The following ADAM22 variants were observed in gnomAD, a reference collection of about 807,000 sequenced individuals.
ADAM22 encodes disintegrin and metalloproteinase domain-containing protein 22.
In ADAM22, 65 loss-of-function variants were observed where a neutral mutation model predicts 144.6. The observed-to-expected ratio is 0.45, with a 90% CI of 0.37 to 0.55. ADAM22 has a LOEUF of 0.55. ADAM22 is among the 20% of genes least tolerant of loss of function. The pLI, the probability that ADAM22 is intolerant of heterozygous loss-of-function variation, is 0.00. For synonymous variants in ADAM22, 391 were observed against 412.6 expected, an observed-to-expected ratio of 0.95 and a Z score of 0.63; for missense variants, 974 against 1,184.9, an observed-to-expected ratio of 0.82 and a Z score of 2.61.
chr7:87,996,910 T>C (rs1340184123), intron 3 of ADAM22, among the ~76,000 whole-genome samples: 3 of 152,218 alleles, frequency 2.0e-5, no homozygotes, highest in Admixed American at 6.5e-5. Context: ...TATTGGGTAG[T>C]TGGCAGGTTT....
intron 29 of ADAM22, among the ~76,000 whole-genome samples, chr7:88,183,478 G>A (rs889028517): frequency 5.9e-5 from 9 of 151,842 alleles, no homozygotes; most frequent in African/African-American, 1.7e-4. Flanking sequence ...AGGACCTAAC[G>A]CACATTTGGT....
chr7:87,998,734 C>T (rs1488877611), intron 3 of ADAM22, among the ~76,000 whole-genome samples: 2 of 152,250 alleles, frequency 1.3e-5, no homozygotes, highest in South Asian at 2.1e-4. Context: ...CCCCTGATTC[C>T]ATCTGCAAAG....
intron 4 of ADAM22, among the ~76,000 whole-genome samples, chr7:88,082,797 C>T (rs565232385): frequency 1.9e-3 from 295 of 152,210 alleles, no homozygotes; most frequent in Non-Finnish European, 3.5e-3. Context: ...GATACCATCT[C>T]ACACCAGTTA....
chr7:87,989,171 A>G (rs1335534212), intron 3 of ADAM22, among the ~76,000 whole-genome samples: 1 of 152,214 alleles, frequency 6.6e-6, no homozygotes, highest in Admixed American at 6.5e-5. Flanking sequence ...GAATGACCTT[A>G]TGCCATCACG....
At position 88,197,409 on chromosome 7, in the gene ADAM22, G is replaced by C. The variant is rs1167292815; in HGVS notation, c.*918G>C. 6.6e-6 allele frequency: 1 copy of C among 152,232 alleles called. No individual in the cohort carries two copies. The highest frequency in any genetic ancestry group is 1.5e-5 in the Non-Finnish European group (1 of 68,052). The allele number at this position is 152,232 out of a possible 1,614,324, so 9.4% of individuals were successfully genotyped here. A position where few individuals can be genotyped will look rare whatever the true frequency, so the allele number is the denominator to read the frequency against. ...GCAAAACTTCTGGCCTCCACAGTTT[G>C]CTGATGCAGGAGCCCACTCTGCTGC... On this transcript the variant is annotated 3_prime_UTR_variant, in exon 32 of 32. Coordinates refer to ENST00000413139, the MANE Select transcript of ADAM22 (RefSeq NM_001324418.2).
Position 88,038,615 on chromosome 7 carries a change from C to T in ADAM22, c.324-37011C>T, listed in dbSNP as rs1005222979. Among the ~76,000 whole-genome samples the T allele has an allele frequency of 2.7e-4, 41 of 151,402 alleles. 1 individual carries two copies. The highest frequency in any genetic ancestry group is 8.4e-4 in the South Asian group (4 of 4,768). ...GACTACAGGCGCGCACCACCATGCC[C>T]GGCTAATTTTTGTATTTTTAGTAGA... On this transcript the variant is annotated intron_variant, in intron 3 of 31. Transcript: ENST00000413139.
At chr7:88,095,948 A>T (rs1181791184) in intron 4 of ADAM22, among the ~76,000 whole-genome samples, 1 of 119,836 alleles carries the variant, frequency 8.3e-6, no homozygotes, top group East Asian at 3.1e-4. Flanking sequence ...CTTTTTTTAA[A>T]GACAGGGTCT....
chr7:88,156,906 T>C (rs1840114706), intron 22 of ADAM22, among the ~76,000 whole-genome samples: 1 of 145,608 alleles, frequency 6.9e-6, no homozygotes, highest in African/African-American at 2.6e-5. Flanking sequence ...AAAAAGTCTG[T>C]AACATGAAAA....
intron 25 of ADAM22, among the ~76,000 whole-genome samples, chr7:88,169,532 A>G (rs1288867231): frequency 6.6e-6 from 1 of 152,046 alleles, no homozygotes; most frequent in East Asian, 1.9e-4. Flanking sequence ...CAATTGCCAT[A>G]TATACTTACA....
At chr7:87,984,123 T>G (rs146135911) in intron 3 of ADAM22, among the ~76,000 whole-genome samples, 1 of 152,194 alleles carries the variant, frequency 6.6e-6, no homozygotes, top group Non-Finnish European at 1.5e-5. Flanking sequence ...TTATCTTAAT[T>G]ATTATGACAC....
chr7:87,936,068 C>G (rs895855432), intron 2 of ADAM22, among the ~76,000 whole-genome samples: 3 of 152,162 alleles, frequency 2.0e-5, no homozygotes, highest in Admixed American at 6.5e-5. Flanking sequence ...CAAGCCAAAC[C>G]TTTTCACATG....
intron 9 of ADAM22, among the ~76,000 whole-genome samples, chr7:88,129,955 A>AGAAGAAACC (rs1831346148): frequency 6.6e-6 from 1 of 152,136 alleles, no homozygotes; most frequent in Non-Finnish European, 1.5e-5. Context: ...TTCTTGCTGA[A>AGAAGAAACC]TAAGTCTTGC....
intron 2 of ADAM22, among the ~76,000 whole-genome samples, chr7:87,948,001 A>G (rs1844126535): frequency 6.6e-6 from 1 of 151,992 alleles, no homozygotes; most frequent in Admixed American, 6.6e-5. Flanking sequence ...CATACCCCCA[A>G]CATTACATCA....
chr7:88,124,180 T>G (rs1159920702), intron 7 of ADAM22, among the ~76,000 whole-genome samples: 1 of 151,986 alleles, frequency 6.6e-6, no homozygotes, highest in Admixed American at 6.6e-5. Flanking sequence ...TGTTTACTTT[T>G]TTTTTCTTTC....
At chr7:88,077,614 C>T (rs187966058) in intron 4 of ADAM22, among the ~76,000 whole-genome samples, 193 of 152,306 alleles carry the variant, frequency 1.3e-3, no homozygotes, top group Middle Eastern at 3.4e-3. Context: ...GGGTGACAGA[C>T]GACACCTGGA....
intron 3 of ADAM22, among the ~76,000 whole-genome samples, chr7:88,039,867 T>A (rs899778867): frequency 4.6e-5 from 7 of 151,930 alleles, no homozygotes; most frequent in Non-Finnish European, 1.0e-4. Context: ...GATTCTCTCA[T>A]CCTCAAAACT....
intron 2 of ADAM22, among the ~76,000 whole-genome samples, chr7:87,955,993 C>T (rs10232661): frequency 0.042 from 6,456 of 152,202 alleles, 480 homozygotes; most frequent in African/African-American, 0.15. Context: ...GCGCAGTATT[C>T]GGGTGGGAGT....
chr7:87,977,185 T>C (rs1852103610), intron 2 of ADAM22, among the ~76,000 whole-genome samples: 1 of 152,204 alleles, frequency 6.6e-6, no homozygotes, highest in Admixed American at 6.5e-5. Flanking sequence ...CCTACTTCTT[T>C]AGGAGGATAG....
chr7:88,189,746 C>T (rs1032686293), intron 30 of ADAM22, among the ~76,000 whole-genome samples: 1 of 152,034 alleles, frequency 6.6e-6, no homozygotes, highest in Non-Finnish European at 1.5e-5. Flanking sequence ...GAGATTAAGA[C>T]CATCCTGGCC....
Sources: allele counts gnomAD v4.1 joint callset (sites outside exome capture counted in the v4.1 genomes callset), GRCh38; gene constraint gnomAD v4.1.1; transcripts MANE v1.5; gene names NCBI Gene and HGNC (gene_info 2026-07-23, HGNC 2026-07-21).